Variants in C10orf90 observed in about 807,000 individuals in gnomAD.
C10orf90 encodes (E2-independent) E3 ubiquitin-conjugating enzyme FATS.
C10orf90 carries 56 observed loss-of-function variants against 62.5 expected under a neutral mutation model. That is an observed-to-expected ratio of 0.90 (90% CI 0.72 to 1.12). C10orf90 has a LOEUF of 1.12. C10orf90 is among the 50% of genes most tolerant of loss of function. The pLI, the probability that C10orf90 is intolerant of heterozygous loss-of-function variation, is 0.00. For missense variants in C10orf90, 970 were observed against 880.4 expected (o/e 1.10, Z -1.29); for synonymous variants, 386 against 340.4 (o/e 1.13, Z -1.47).
At chr10:126,657,781 A>G (rs990935747) in intron 1 of C10orf90, among the ~76,000 whole-genome samples, 1 of 151,770 alleles carries the variant, frequency 6.6e-6, no homozygotes, top group African/African-American at 2.4e-5. Context: ...ACACCTGGCT[A>G]ATTTTTGTAT....
At chr10:126,479,808 A>G (rs1452055046) in intron 4 of C10orf90, among the ~76,000 whole-genome samples, 1 of 152,264 alleles carries the variant, frequency 6.6e-6, no homozygotes, top group Non-Finnish European at 1.5e-5. Flanking sequence ...TTTTAAGAAC[A>G]TAAACAAAAA....
At chr10:126,551,510 G>A (rs563722758) in intron 2 of C10orf90, among the ~76,000 whole-genome samples, 1 of 152,294 alleles carries the variant, frequency 6.6e-6, no homozygotes, top group South Asian at 2.1e-4. Context: ...AACATTATAT[G>A]GGGAGGGAGT....
At chr10:126,577,045 C>A (rs903226313) in intron 2 of C10orf90, among the ~76,000 whole-genome samples, 12 of 151,556 alleles carry the variant, frequency 7.9e-5, no homozygotes, top group African/African-American at 2.9e-4. Flanking sequence ...TACAAAATTA[C>A]AGCTAGATAG....
intron 2 of C10orf90, among the ~76,000 whole-genome samples, chr10:126,571,576 C>T (rs140642753): frequency 9.3e-4 from 142 of 152,336 alleles, no homozygotes; most frequent in Non-Finnish European, 1.9e-3. Context: ...CCATCATTAG[C>T]ATTCCATTCA....
intron 2 of C10orf90, among the ~76,000 whole-genome samples, chr10:126,572,386 A>C: frequency 6.6e-6 from 1 of 152,144 alleles, no homozygotes; most frequent in East Asian, 1.9e-4. Context: ...TTAAGGAAGT[A>C]AAGGAATAAA....
chr10:126,445,356 A>T (rs1325100556), intron 7 of C10orf90, among the ~76,000 whole-genome samples: 2 of 152,138 alleles, frequency 1.3e-5, no homozygotes, highest in Non-Finnish European at 2.9e-5. Context: ...TGGGCTAAAG[A>T]CATGATAGAC....
At chr10:126,446,904 G>A (rs1858822271) in intron 7 of C10orf90, among the ~76,000 whole-genome samples, 1 of 152,084 alleles carries the variant, frequency 6.6e-6, no homozygotes, top group African/African-American at 2.4e-5. Flanking sequence ...GGAAGTAAAA[G>A]TACAGAATTT....
intron 4 of C10orf90, among the ~76,000 whole-genome samples, chr10:126,472,847 T>G (rs1421762220): frequency 6.6e-6 from 1 of 152,130 alleles, no homozygotes; most frequent in African/African-American, 2.4e-5. Flanking sequence ...TCTGCGTGTG[T>G]GCATGTGCAT....
rs1330462869 is a variant in C10orf90, at chr10:126,532,956, G to A, written c.314-19017C>T. ...TATTTATTTATTTATTTTTTGAGAC[G>A]GAGTCTCGCTCTGTCGCCCAGGCTG... On this transcript the variant is annotated intron_variant, in intron 2 of 9. Coordinates refer to ENST00000488181, the MANE Select transcript of C10orf90 (RefSeq NM_001350921.2). Among the ~76,000 whole-genome samples, 16 of 149,824 alleles carry A rather than the reference G, an allele frequency of 1.1e-4. No individual in the cohort carries two copies. The East Asian group carries it at 1.2e-3, about 11-fold the overall frequency.
chr10:126,494,369 TG>T (rs1333530676), intron 4 of C10orf90, among the ~76,000 whole-genome samples: 2 of 152,120 alleles, frequency 1.3e-5, no homozygotes, highest in African/African-American at 4.8e-5. Context: ...CTCACATATT[TG>T]CAAGATATGG....
chr10:126,478,881 G>A (rs531338257), intron 4 of C10orf90, among the ~76,000 whole-genome samples: 17 of 152,174 alleles, frequency 1.1e-4, no homozygotes, highest in Admixed American at 2.6e-4. Context: ...GATCTGAGAT[G>A]CTCAGTGAAC....
chr10:126,642,323 G>C (rs1002701218), intron 2 of C10orf90, among the ~76,000 whole-genome samples: 2 of 152,082 alleles, frequency 1.3e-5, no homozygotes, highest in East Asian at 1.9e-4. Context: ...ACGAGGTCGG[G>C]AGATCGAGAC....
chr10:126,639,749 C>G (rs1024853845), intron 2 of C10orf90, among the ~76,000 whole-genome samples: 1 of 152,208 alleles, frequency 6.6e-6, no homozygotes, highest in African/African-American at 2.4e-5. Flanking sequence ...ATATAGACTG[C>G]GAAATCTGCA....
At chr10:126,505,612 C>T (rs1192575154) in intron 3 of C10orf90, among the ~76,000 whole-genome samples, 2 of 152,312 alleles carry the variant, frequency 1.3e-5, no homozygotes, top group East Asian at 3.9e-4. Flanking sequence ...CAGTTGCTCC[C>T]TGCTGCTTGG....
chr10:126,574,142 T>G (rs1844564474), intron 2 of C10orf90, among the ~76,000 whole-genome samples: 2 of 151,972 alleles, frequency 1.3e-5, no homozygotes, highest in Non-Finnish European at 2.9e-5. Flanking sequence ...AACACAGAAG[T>G]CATGAAAAAC....
rs542606295 is a variant in C10orf90, at chr10:126,481,213, G to C, written c.1535-16227C>G. On this transcript the variant is annotated intron_variant, in intron 4 of 9. Coordinates refer to ENST00000488181, the MANE Select transcript of C10orf90 (RefSeq NM_001350921.2). ...ACCCATCTAAAGGAGCCAATGAGTA[G>C]CCAGCCCAATCACATCATCTGACTT... Among the ~76,000 whole-genome samples the C allele has an allele frequency of 3.3e-5, 5 of 152,336 alleles. No homozygotes were observed. The South Asian group carries it at 1.0e-3, about 32-fold the overall frequency.
At chr10:126,487,532 G>A (rs1028753521) in intron 4 of C10orf90, among the ~76,000 whole-genome samples, 3 of 152,146 alleles carry the variant, frequency 2.0e-5, no homozygotes, top group African/African-American at 7.2e-5. Flanking sequence ...ACATACCTTA[G>A]TATGTTAGTC....
intron 1 of C10orf90, among the ~76,000 whole-genome samples, chr10:126,661,252 G>A (rs1846503951): frequency 6.6e-6 from 1 of 152,074 alleles, no homozygotes; most frequent in Non-Finnish European, 1.5e-5. Context: ...GTTCAAACTT[G>A]GACAACAACA....
intron 2 of C10orf90, among the ~76,000 whole-genome samples, chr10:126,615,996 A>C (rs1403574408): frequency 6.6e-6 from 1 of 152,180 alleles, no homozygotes; most frequent in Non-Finnish European, 1.5e-5. Context: ...ACTATTAACC[A>C]TGTGCGTGTC....
Sources: gnomAD v4.1 joint callset for allele counts (sites outside exome capture counted in the v4.1 genomes callset) on GRCh38, gnomAD v4.1.1 for gene constraint, MANE v1.5 for transcripts, NCBI Gene and HGNC (gene_info 2026-07-23, HGNC 2026-07-21) for gene names.